EFL1: variants seen among roughly 807,000 people sequenced by gnomAD.
EFL1 encodes elongation factor-like GTPase 1.
In EFL1, 76 loss-of-function variants were observed where a neutral mutation model predicts 126.7. The ratio of observed to expected loss-of-function variants is 0.60; its 90% confidence interval spans 0.50 to 0.73. EFL1 has a LOEUF of 0.73. Among genes scored for constraint, EFL1 ranks in the 30% least tolerant of loss-of-function variants. The pLI is 0.00. For synonymous variants in EFL1, 410 were observed against 448.4 expected (o/e 0.91, Z 1.08); for missense variants, 1,128 against 1,343.2 (o/e 0.84, Z 2.50).
At position 82,132,691 on chromosome 15, in the gene EFL1, G is replaced by GC. The variant is rs1567034472; in HGVS notation, c.3175-2131_3175-2130insG. ...ACAAGGTCCAGGAATTGGGGGGGGG[G>GC]GGGGGTAGGCAGAGTGGCAGACAAG... On this transcript the variant is annotated intron_variant, in intron 19 of 19. Transcript: ENST00000268206. Among the ~76,000 whole-genome samples, 90 of 119,434 alleles carry GC rather than the reference G, an allele frequency of 7.5e-4. 5 individuals are homozygous for GC. Among genetic ancestry groups the GC allele is most frequent in the Middle Eastern group, 4.2e-3 (1 of 238 alleles). The allele number at this position is 119,434 out of a possible 152,430, so 78.4% of individuals were successfully genotyped here. A position where few individuals can be genotyped will look rare whatever the true frequency, so the allele number is the denominator to read the frequency against.
At chr15:82,218,018 A>G (rs2141300532) in intron 14 of EFL1, among the ~76,000 whole-genome samples, 1 of 152,324 alleles carries the variant, frequency 6.6e-6, no homozygotes. Context: ...TATGAATTCT[A>G]TCAACAACCT....
intron 15 of EFL1, among the ~76,000 whole-genome samples, chr15:82,176,373 C>T (rs2074196511): frequency 6.6e-6 from 1 of 152,108 alleles, no homozygotes; most frequent in Non-Finnish European, 1.5e-5. Context: ...TTCCGTTTAT[C>T]AAGAGACATC....
chr15:82,151,279 T>C (rs1444642875), intron 18 of EFL1, among the ~76,000 whole-genome samples, 186 bp downstream of exon 18: 1 of 152,084 alleles, frequency 6.6e-6, no homozygotes, highest in Non-Finnish European at 1.5e-5. Context: ...TCACAACTAC[T>C]TGAGAGGCTG....
chr15:82,180,268 T>C (rs2074235807), intron 15 of EFL1, among the ~76,000 whole-genome samples: 1 of 151,352 alleles, frequency 6.6e-6, no homozygotes, highest in Non-Finnish European at 1.5e-5. Flanking sequence ...GCTTGGCATC[T>C]AGCAGATCCT....
rs375504751 is a variant in EFL1, at chr15:82,241,854, G to A, written c.245-451C>T. Among the ~76,000 whole-genome samples, 26 of 152,352 alleles carry A rather than the reference G, an allele frequency of 1.7e-4. No homozygotes were observed. The East Asian group carries it at 4.2e-3, about 25-fold the overall frequency. Reference sequence around the variant, plus strand: ...TTGGCCAAGTTCTTCCCTACAGTTTGTCAAAGAGCAGTGTATGAATCTGCT... The same window carrying A: ...TTGGCCAAGTTCTTCCCTACAGTTTATCAAAGAGCAGTGTATGAATCTGCT... On this transcript the variant is annotated intron_variant, in intron 4 of 19. Coordinates refer to ENST00000268206, the MANE Select transcript of EFL1 (RefSeq NM_024580.6).
rs866582340 is a variant in EFL1, at chr15:82,178,291, T to C, written c.1751-14307A>G. Among the ~76,000 whole-genome samples the C allele has an allele frequency of 2.4e-4, 37 of 152,280 alleles. No homozygotes were observed. In the Middle Eastern group the frequency reaches 0.014, roughly 56 times the overall value. On this transcript the variant is annotated intron_variant, in intron 15 of 19. Coordinates refer to ENST00000268206, the MANE Select transcript of EFL1 (RefSeq NM_024580.6). Reference sequence around the variant, plus strand: ...ATAATAACCACCAAATCACACTGGCTCTCTGTCCACACCAGTTCATACGGG... The same window carrying C: ...ATAATAACCACCAAATCACACTGGCCCTCTGTCCACACCAGTTCATACGGG...
At chr15:82,192,766 C>T (rs953742442) in intron 15 of EFL1, among the ~76,000 whole-genome samples, 1 of 152,036 alleles carries the variant, frequency 6.6e-6, no homozygotes, top group African/African-American at 2.4e-5. Flanking sequence ...GCTCTTGACA[C>T]CACGTAAGCA....
rs2141347385 is a variant in EFL1 at position 82,260,862 on chromosome 15, A to G, written c.91+826T>C. On this transcript the variant is annotated intron_variant, in intron 2 of 19. Transcript: ENST00000268206. ...TGGTCCTTCATCTTCAGGATGGTAA[A>G]TATGTTTTATTTCATATGCCCATCC... is the stretch of plus-strand genomic sequence containing the variant. 2.0e-5 allele frequency among the ~76,000 whole-genome samples: 3 copies of G among 152,254 alleles called. No individual in the cohort carries two copies. In the East Asian group the frequency reaches 5.8e-4, roughly 29 times the overall value.
chr15:82,236,482 G>C (rs1281320309), intron 7 of EFL1, among the ~76,000 whole-genome samples: 2 of 152,158 alleles, frequency 1.3e-5, no homozygotes, highest in Admixed American at 6.5e-5. Context: ...ATAGATTAAA[G>C]GAACAGAACA....
intron 16 of EFL1, among the ~76,000 whole-genome samples, chr15:82,162,745 C>A (rs1166191660): frequency 6.6e-6 from 1 of 152,142 alleles, no homozygotes; most frequent in Non-Finnish European, 1.5e-5. Flanking sequence ...CTCTGGGGAT[C>A]CAGGGATCCT....
intron 19 of EFL1, among the ~76,000 whole-genome samples, chr15:82,132,300 G>A (rs909138159): frequency 6.6e-6 from 1 of 152,134 alleles, no homozygotes; most frequent in Non-Finnish European, 1.5e-5. Context: ...CCAACGAGAC[G>A]CTTCGCATCA....
chr15:82,230,771 T>C, intron 8 of EFL1, 77 bp downstream of exon 8: 1 of 1,476,754 alleles, frequency 6.8e-7, no homozygotes, highest in Non-Finnish European at 9.0e-7. Context: ...GAATTACATT[T>C]ATTAAAGATA....
chr15:82,217,373 G>GAAAAAAAAA, intron 14 of EFL1, among the ~76,000 whole-genome samples: 41 of 27,136 alleles, frequency 1.5e-3, no homozygotes, highest in East Asian at 3.9e-3. Context: ...GATTAGATTT[G>GAAAAAAAAA]AAAAAAAAAA....
chr15:82,255,140 C>T (rs545956664), intron 3 of EFL1, among the ~76,000 whole-genome samples: 24 of 152,288 alleles, frequency 1.6e-4, no homozygotes, highest in Non-Finnish European at 2.6e-4. Flanking sequence ...TGGAATAGTG[C>T]GTTTCTTGAT....
intron 15 of EFL1, among the ~76,000 whole-genome samples, chr15:82,171,086 TA>T: frequency 6.6e-6 from 1 of 152,320 alleles, no homozygotes; most frequent in East Asian, 1.9e-4. Context: ...TATTTCCAAT[TA>T]AAATCAGGAA....
chr15:82,252,863 A>G, intron 3 of EFL1, 88 bp from the exon 4 acceptor site: 1 of 882,260 alleles, frequency 1.1e-6, no homozygotes, highest in Non-Finnish European at 1.8e-6. Context: ...TGTTTTAAAT[A>G]CTTATATTTA....
intron 17 of EFL1, among the ~76,000 whole-genome samples, chr15:82,154,629 C>CT (rs2073947650): frequency 2.0e-5 from 3 of 152,160 alleles, no homozygotes; most frequent in Non-Finnish European, 4.4e-5. Flanking sequence ...ACAGTCTTAG[C>CT]CCTCAGAGGG....
intron 8 of EFL1, among the ~76,000 whole-genome samples, chr15:82,229,841 CAAAAT>C (rs1455359144): frequency 1.3e-5 from 2 of 152,126 alleles, no homozygotes; most frequent in African/African-American, 2.4e-5. Flanking sequence ...AGTGCTCTCA[CAAAAT>C]AAAATAACAG....
At chr15:82,176,953 G>A (rs535106130) in intron 15 of EFL1, among the ~76,000 whole-genome samples, 56 of 152,352 alleles carry the variant, frequency 3.7e-4, no homozygotes, top group African/African-American at 1.3e-3. Context: ...ACAACCATGT[G>A]CCATGACATG....
Sources: allele counts gnomAD v4.1 joint callset (sites outside exome capture counted in the v4.1 genomes callset), GRCh38; gene constraint gnomAD v4.1.1; transcripts MANE v1.5; gene names NCBI Gene and HGNC (gene_info 2026-07-23, HGNC 2026-07-21).